The following PPM1H variants were observed in gnomAD, a reference collection of about 807,000 sequenced individuals.
PPM1H encodes protein phosphatase, Mg2+/Mn2+ dependent 1H.
PPM1H carries 27 observed loss-of-function variants against 54.9 expected under a neutral mutation model. The observed-to-expected ratio is 0.49, with a 90% CI of 0.36 to 0.68. PPM1H has a LOEUF of 0.68. Ranked by LOEUF, PPM1H falls within the 30% of genes least tolerant of loss-of-function variation. The pLI is 0.00. For synonymous variants in PPM1H, 305 were observed against 270.8 expected (o/e 1.13, Z -1.24); for missense variants, 596 against 667.8 (o/e 0.89, Z 1.19).
chr12:62,879,275 A>G (rs1374365728), intron 1 of PPM1H, among the ~76,000 whole-genome samples: 2 of 152,214 alleles, frequency 1.3e-5, no homozygotes, highest in South Asian at 2.1e-4. Flanking sequence ...CAGGGGTTCA[A>G]TTCTGGTTGC....
At chr12:62,905,666 G>C (rs746658312) in intron 1 of PPM1H, among the ~76,000 whole-genome samples, 2 of 152,150 alleles carry the variant, frequency 1.3e-5, no homozygotes, top group Non-Finnish European at 2.9e-5. Flanking sequence ...TCCTCGGTAA[G>C]ACAGAGTAGA....
chr12:62,672,073 C>T (rs1000952627), intron 8 of PPM1H, among the ~76,000 whole-genome samples: 6 of 152,116 alleles, frequency 3.9e-5, no homozygotes, highest in Admixed American at 1.3e-4. Context: ...AACTTAACAC[C>T]TGGTTCACTG....
chr12:62,668,947 C>T lies in PPM1H; in HGVS notation c.1246-1618G>A, dbSNP rs965769335. On this transcript the variant is annotated intron_variant, in intron 8 of 9. Transcript: ENST00000228705. Reference sequence around the variant, plus strand: ...CACAACAAAATGTTTACCCACAGGGCCCTGGGTGAATGAGCTCAAATGAAA... The same window carrying T: ...CACAACAAAATGTTTACCCACAGGGTCCTGGGTGAATGAGCTCAAATGAAA... Among the ~76,000 whole-genome samples, 4 of 152,226 alleles carry T rather than the reference C, an allele frequency of 2.6e-5. No individual in the cohort carries two copies. In the East Asian group the frequency reaches 5.8e-4, roughly 22 times the overall value.
chr12:62,813,730 G>A (rs2076849684), intron 2 of PPM1H, among the ~76,000 whole-genome samples: 1 of 152,154 alleles, frequency 6.6e-6, no homozygotes, highest in African/African-American at 2.4e-5. Flanking sequence ...ACTCTGAAAC[G>A]CTCAAGGGGA....
intron 6 of PPM1H, among the ~76,000 whole-genome samples, chr12:62,713,138 A>G (rs2076216516): frequency 1.3e-5 from 2 of 152,174 alleles, no homozygotes; most frequent in African/African-American, 4.8e-5. Flanking sequence ...CTCTCTCCAG[A>G]AAGCGTTTGG....
At chr12:62,735,729 A>T (rs2076346237) in intron 5 of PPM1H, among the ~76,000 whole-genome samples, 1 of 152,192 alleles carries the variant, frequency 6.6e-6, no homozygotes, top group African/African-American at 2.4e-5. Flanking sequence ...AGCACTGGGG[A>T]CTGACTCCCT....
In PPM1H at chr12:62,706,088, T is replaced by G. The variant is rs769011937; in HGVS notation, c.1074-12089A>C. Among the ~76,000 whole-genome samples the G allele has an allele frequency of 4.8e-4, 73 of 152,218 alleles. 1 individual carries two copies. Among genetic ancestry groups the G allele is most frequent in the Non-Finnish European group, 8.4e-4 (57 of 68,034 alleles). The stretch of plus-strand genomic sequence containing the variant: ...TGCAGGGACTTTAACCTATGCTACA[T>G]CATTTCAAGGCTTTCCACCCAAGTG... On this transcript the variant is annotated intron_variant, in intron 6 of 9. Transcript: ENST00000228705.
At chr12:62,832,363 C>T (rs1340766315) in intron 1 of PPM1H, 84 bp from the exon 2 acceptor site, 1 of 1,335,820 alleles carries the variant, frequency 7.5e-7, no homozygotes, top group Non-Finnish European at 1.0e-6. Context: ...CCAAGACAGT[C>T]TCTACAACTG....
Position 62,844,612 on chromosome 12 carries a change from A to G in PPM1H, c.246-12333T>C, listed in dbSNP as rs939532548. Among the ~76,000 whole-genome samples the G allele has an allele frequency of 2.6e-5, 4 of 152,222 alleles. No homozygotes were observed. The highest frequency in any genetic ancestry group is 9.6e-5 in the African/African-American group (4 of 41,456). On this transcript the variant is annotated intron_variant, in intron 1 of 9. Transcript: ENST00000228705. This position sits in a 1 kb window ranked among gnomAD's most constrained non-coding sequence, Gnocchi z 5.2. The stretch of plus-strand genomic sequence containing the variant: ...ATGCTTAATACCATCCTTAAATAAA[A>G]AGGACAAGGTGGACTACCAATATAT...
chr12:62,834,408 T>C (rs530964145), intron 1 of PPM1H, among the ~76,000 whole-genome samples: 2 of 152,318 alleles, frequency 1.3e-5, no homozygotes, highest in South Asian at 4.1e-4. Context: ...AAGCAACTTA[T>C]CAGAAGCTCC....
chr12:62,928,555 T>C (rs562683647), intron 1 of PPM1H, among the ~76,000 whole-genome samples: 66 of 152,338 alleles, frequency 4.3e-4, no homozygotes, highest in African/African-American at 1.5e-3. Flanking sequence ...CTCCCCCATC[T>C]GCAAGGATGA....
intron 1 of PPM1H, among the ~76,000 whole-genome samples, chr12:62,925,611 G>C (rs561420979): frequency 1.3e-5 from 2 of 152,270 alleles, no homozygotes; most frequent in African/African-American, 4.8e-5. Context: ...ACAATGAGCA[G>C]AGCTCTGGTG....
At chr12:62,826,223 G>A (rs1868289806) in intron 2 of PPM1H, among the ~76,000 whole-genome samples, 1 of 152,208 alleles carries the variant, frequency 6.6e-6, no homozygotes, top group South Asian at 2.1e-4. Context: ...CCTGAGGTGG[G>A]CAGATCCCCT....
intron 4 of PPM1H, among the ~76,000 whole-genome samples, chr12:62,754,608 AG>A (rs1402329256): frequency 1.3e-5 from 2 of 152,198 alleles, no homozygotes; most frequent in Non-Finnish European, 2.9e-5. Context: ...AAGCCTTATG[AG>A]GGCTAGTGAA....
chr12:62,757,048 A>G (rs1011168948), intron 4 of PPM1H, among the ~76,000 whole-genome samples: 4 of 152,020 alleles, frequency 2.6e-5, no homozygotes, highest in Admixed American at 1.3e-4. Context: ...AGAAAATGGC[A>G]CCCCCAATGA....
intron 1 of PPM1H, among the ~76,000 whole-genome samples, chr12:62,893,102 A>G (rs1331363646): frequency 2.0e-5 from 3 of 152,236 alleles, no homozygotes; most frequent in Admixed American, 1.3e-4. Flanking sequence ...ACTGCCTCTG[A>G]GCTAAGGATA....
At chr12:62,737,671 A>G (rs1034513254) in intron 4 of PPM1H, 85 bp from the exon 5 acceptor site, 113 of 918,446 alleles carry the variant, frequency 1.2e-4, no homozygotes, top group Admixed American at 1.5e-4. Context: ...CAGGTCACAC[A>G]TGAAATGCCA....
chr12:62,737,173 T>C (rs1203038051), intron 5 of PPM1H, among the ~76,000 whole-genome samples: 1 of 150,488 alleles, frequency 6.6e-6, no homozygotes. Context: ...AGAAGGTATC[T>C]GTGTTTTTCA....
intron 1 of PPM1H, among the ~76,000 whole-genome samples, chr12:62,901,489 T>C (rs1871162183): frequency 6.6e-6 from 1 of 152,224 alleles, no homozygotes; most frequent in Admixed American, 6.5e-5. Context: ...GCCTTTTGGG[T>C]AAAATTATGT....
Sources: allele counts gnomAD v4.1 joint callset (sites outside exome capture counted in the v4.1 genomes callset), GRCh38; gene constraint gnomAD v4.1.1; non-coding constraint Gnocchi (gnomAD v3.1); transcripts MANE v1.5; gene names NCBI Gene and HGNC (gene_info 2026-07-23, HGNC 2026-07-21).